GMDS: variants seen among roughly 807,000 people sequenced by gnomAD.
GMDS encodes GDP-mannose 4,6-dehydratase, also known as GDP-mannose 4,6 dehydratase.
GMDS carries 20 observed loss-of-function variants against 49.9 expected under a neutral mutation model. That is an observed-to-expected ratio of 0.40 (90% CI 0.28 to 0.58). The LOEUF is 0.58. Ranked by LOEUF, GMDS falls within the 20% of genes least tolerant of loss-of-function variation. GMDS has a pLI of 0.42. For synonymous variants in GMDS, 177 were observed against 178.6 expected, an observed-to-expected ratio of 0.99 and a Z score of 0.07; for missense variants, 362 against 481.4, an observed-to-expected ratio of 0.75 and a Z score of 2.32.
At chr6:2,197,166 G>C (rs934041813) in intron 1 of GMDS, among the ~76,000 whole-genome samples, 1 of 152,192 alleles carries the variant, frequency 6.6e-6, no homozygotes, top group Non-Finnish European at 1.5e-5. Flanking sequence ...TATGATAACT[G>C]TTCCCATTAC....
At chr6:1,655,616 G>A (rs1406478863) in intron 9 of GMDS, among the ~76,000 whole-genome samples, 2 of 151,262 alleles carry the variant, frequency 1.3e-5, no homozygotes, top group African/African-American at 4.9e-5. Flanking sequence ...CAATTCTCCC[G>A]CCTCAGCCTC....
intron 1 of GMDS, among the ~76,000 whole-genome samples, chr6:2,200,865 G>C (rs1448863150): frequency 2.8e-5 from 4 of 142,900 alleles, no homozygotes; most frequent in African/African-American, 7.9e-5. Flanking sequence ...TTAGCAGAGA[G>C]GTGAAGGATG....
chr6:1,705,883 G>A (rs1420561389), intron 9 of GMDS, among the ~76,000 whole-genome samples: 1 of 152,204 alleles, frequency 6.6e-6, no homozygotes, highest in Non-Finnish European at 1.5e-5. Context: ...CCAGCAATCT[G>A]GGGCTAGACC....
chr6:2,029,262 C>T (rs900969772), intron 4 of GMDS, among the ~76,000 whole-genome samples: 1 of 152,046 alleles, frequency 6.6e-6, no homozygotes, highest in Non-Finnish European at 1.5e-5. Flanking sequence ...TACACACACA[C>T]CCTAACCAGA....
At chr6:2,150,657 C>T (rs1051216636) in intron 1 of GMDS, among the ~76,000 whole-genome samples, 3 of 152,156 alleles carry the variant, frequency 2.0e-5, no homozygotes, top group African/African-American at 7.2e-5. Context: ...GCAATTATTT[C>T]AGATTAAGAA....
In GMDS at chr6:2,059,707, C is replaced by CAAAAA. The variant is rs35230658; in HGVS notation, c.345+56059_345+56063dup. On this transcript the variant is annotated intron_variant, in intron 4 of 10. Transcript: ENST00000380815. Reference sequence around the variant, plus strand: ...TGGGCGACAGAGCGAGACTCCGTCTCAAAAAAAAAAAAAAAAAAAATGCAC... The same window carrying CAAAAA: ...TGGGCGACAGAGCGAGACTCCGTCTCAAAAAAAAAAAAAAAAAAAAAAAAATGCAC... 1.9e-3 allele frequency among the ~76,000 whole-genome samples: 33 copies of CAAAAA among 17,774 alleles called. 8 individuals are homozygous for CAAAAA. Among genetic ancestry groups the CAAAAA allele is most frequent in the East Asian group, 7.8e-3 (2 of 258 alleles). The allele number at this position is 17,774 out of a possible 152,430, so 11.7% of individuals were successfully genotyped here.
chr6:2,161,580 A>G (rs1054698679), intron 1 of GMDS, among the ~76,000 whole-genome samples: 1 of 152,176 alleles, frequency 6.6e-6, no homozygotes, highest in African/African-American at 2.4e-5. Flanking sequence ...GGATTTGAAA[A>G]TTCATTTTCC....
chr6:1,991,549 T>C (rs1765940159), intron 4 of GMDS, among the ~76,000 whole-genome samples: 1 of 152,216 alleles, frequency 6.6e-6, no homozygotes, highest in African/African-American at 2.4e-5. Context: ...TCTAGGACTA[T>C]GTGCTCCTGA....
intron 9 of GMDS, among the ~76,000 whole-genome samples, chr6:1,645,292 C>T (rs1229123899): frequency 1.3e-5 from 2 of 152,158 alleles, no homozygotes; most frequent in East Asian, 1.9e-4. Context: ...GAATGCAAGC[C>T]CCCCATGGGC....
rs1768356896 is a variant in GMDS at position 1,766,431 on chromosome 6, G to A, written c.772-23845C>T. Among the ~76,000 whole-genome samples, 1 of 152,162 alleles carries A rather than the reference G, an allele frequency of 6.6e-6. No homozygotes were observed. The highest frequency in any genetic ancestry group is 6.5e-5 in the Admixed American group (1 of 15,282). ...GTCTCTTTGTAGGCCACCACGGAGA[G>A]AGAAAAGCATCTTGAGAATCCTAAT... is the stretch of plus-strand genomic sequence containing the variant. On this transcript the variant is annotated intron_variant, in intron 7 of 10. Coordinates refer to ENST00000380815, the MANE Select transcript of GMDS (RefSeq NM_001500.4). The surrounding 1 kb of genome is among the most constrained non-coding windows in gnomAD (Gnocchi z 4.5).
At chr6:1,942,216 G>A (rs3800142) in intron 6 of GMDS, among the ~76,000 whole-genome samples, 3,897 of 152,278 alleles carry the variant, frequency 0.026, 161 homozygotes, top group East Asian at 0.18. Flanking sequence ...AGTAGCCCGG[G>A]AGTCCTCTTT....
At chr6:1,650,307 G>T (rs993572197) in intron 9 of GMDS, among the ~76,000 whole-genome samples, 1 of 147,802 alleles carries the variant, frequency 6.8e-6, no homozygotes, top group Admixed American at 6.8e-5. Flanking sequence ...TCATGCCCAG[G>T]AAAAAAAAAA....
intron 7 of GMDS, among the ~76,000 whole-genome samples, chr6:1,872,405 T>C (rs1758809037): frequency 6.6e-6 from 1 of 152,256 alleles, no homozygotes; most frequent in African/African-American, 2.4e-5. Flanking sequence ...TTATGCTTTA[T>C]GGAAAGGTTG....
chr6:1,656,919 C>A (rs1173913093), intron 9 of GMDS, among the ~76,000 whole-genome samples: 2 of 152,146 alleles, frequency 1.3e-5, no homozygotes, highest in Non-Finnish European at 2.9e-5. Flanking sequence ...AGGAGGCAAT[C>A]TTTACCTTCA....
At chr6:2,147,984 T>C (rs1776653585) in intron 1 of GMDS, among the ~76,000 whole-genome samples, 1 of 151,846 alleles carries the variant, frequency 6.6e-6, no homozygotes, top group Non-Finnish European at 1.5e-5. Flanking sequence ...AGTAGAATCT[T>C]GGGTAAAAGC....
intron 7 of GMDS, among the ~76,000 whole-genome samples, chr6:1,826,204 A>T (rs866248038): frequency 5.9e-5 from 9 of 152,212 alleles, no homozygotes; most frequent in African/African-American, 1.9e-4. Context: ...AAATTTAAAA[A>T]TAAGGTAATT....
In GMDS at chr6:1,623,896, T is replaced by TA. The variant is rs1428953507; in HGVS notation, c.*272dup. ...TGTTGTGTAACAACATAATTTCAAG[T>TA]AAAGTGAATGTGATTAAAACATCTT... On this transcript the variant is annotated 3_prime_UTR_variant, in exon 11 of 11. Transcript: ENST00000380815. The TA allele has an allele frequency of 1.1e-5, 5 of 454,080 alleles. No individual in the cohort carries two copies. Among genetic ancestry groups the TA allele is most frequent in the Non-Finnish European group, 1.9e-5 (5 of 257,526 alleles). 28.1% of individuals were successfully genotyped at this position (454,080 alleles called of 1,614,324 possible).
intron 6 of GMDS, among the ~76,000 whole-genome samples, chr6:1,954,138 C>T (rs932317825): frequency 3.9e-5 from 6 of 152,154 alleles, no homozygotes; most frequent in Non-Finnish European, 7.3e-5. Context: ...TGTAATGGAA[C>T]AGCCAGGGAG....
At chr6:1,905,061 C>A (rs190991826) in intron 7 of GMDS, among the ~76,000 whole-genome samples, 48 of 152,332 alleles carry the variant, frequency 3.2e-4, no homozygotes, top group Admixed American at 2.7e-3. Flanking sequence ...GCTCTGGCAT[C>A]CATGACATGA....
Sources: gnomAD v4.1 joint callset for allele counts (sites outside exome capture counted in the v4.1 genomes callset) on GRCh38, gnomAD v4.1.1 for gene constraint, Gnocchi (gnomAD v3.1) non-coding constraint, MANE v1.5 for transcripts, NCBI Gene and HGNC (gene_info 2026-07-23, HGNC 2026-07-21) for gene names.